The following CYP19A1 variants were observed in gnomAD, a reference collection of about 807,000 sequenced individuals.
The protein encoded by CYP19A1 is cytochrome P450 family 19 subfamily A member 1.
Under a neutral mutation model 44.4 loss-of-function variants are expected in CYP19A1, and 32 were observed. The ratio of observed to expected loss-of-function variants is 0.72; its 90% CI spans 0.54 to 0.97. The LOEUF is 0.97. CYP19A1 is among the 50% of genes least tolerant of loss of function. The pLI, the probability that CYP19A1 is intolerant of heterozygous loss-of-function variation, is 0.00. For synonymous variants in CYP19A1, 212 were observed against 215.6 expected (o/e 0.98, Z 0.14); for missense variants, 598 against 637.8 (o/e 0.94, Z 0.67).
intron 1 of CYP19A1, among the ~76,000 whole-genome samples, chr15:51,287,081 T>C (rs2140982362): frequency 6.6e-6 from 1 of 152,272 alleles, no homozygotes; most frequent in East Asian, 1.9e-4. Flanking sequence ...CACCTGGACA[T>C]GACTTATCCA....
intron 1 of CYP19A1, among the ~76,000 whole-genome samples, chr15:51,294,362 G>T (rs895516031): frequency 6.7e-6 from 1 of 149,806 alleles, no homozygotes; most frequent in African/African-American, 2.5e-5. Flanking sequence ...CTGCCCGGCC[G>T]CGACCCCATC....
chr15:51,299,980 T>G (rs143189997), intron 1 of CYP19A1, among the ~76,000 whole-genome samples: 1 of 152,216 alleles, frequency 6.6e-6, no homozygotes, highest in Non-Finnish European at 1.5e-5. Context: ...CTTTCATTCA[T>G]GCAGTTACAT....
chr15:51,267,550 C>G (rs1039982728), intron 1 of CYP19A1, among the ~76,000 whole-genome samples: 1 of 152,148 alleles, frequency 6.6e-6, no homozygotes, highest in Non-Finnish European at 1.5e-5. Context: ...CGTCCGTGGC[C>G]GGCCACTGCC....
chr15:51,251,169 T>A (rs891280563), intron 1 of CYP19A1, among the ~76,000 whole-genome samples: 2 of 152,030 alleles, frequency 1.3e-5, no homozygotes, highest in South Asian at 4.2e-4. Context: ...CCAGTGGTGG[T>A]GTTTGTCGTT....
chr15:51,333,968 C>T (rs1317294994), intron 1 of CYP19A1, among the ~76,000 whole-genome samples: 1 of 152,114 alleles, frequency 6.6e-6, no homozygotes, highest in African/African-American at 2.4e-5. Flanking sequence ...ATGACAGTTC[C>T]CCTACATGGT....
At chr15:51,240,075 C>T (rs1201383696) in intron 2 of CYP19A1, among the ~76,000 whole-genome samples, 1 of 512 alleles carries the variant, frequency 2.0e-3, no homozygotes, top group Non-Finnish European at 5.2e-3. Flanking sequence ...CGGCCACTCC[C>T]CCTTCTCCGC....
chr15:51,298,849 T>C (rs946657593), intron 1 of CYP19A1, among the ~76,000 whole-genome samples: 5 of 152,244 alleles, frequency 3.3e-5, no homozygotes, highest in African/African-American at 1.2e-4. Context: ...AGGAGCTGCG[T>C]CTGGGGCAAA....
intron 3 of CYP19A1, 81 bp downstream of exon 3, chr15:51,236,778 G>T: frequency 6.6e-7 from 1 of 1,520,676 alleles, no homozygotes; most frequent in Non-Finnish European, 9.1e-7. Flanking sequence ...AAGACATCAA[G>T]ATTCAAAATA....
In CYP19A1 at chr15:51,338,577, G is replaced by A. The variant is rs987279259; in HGVS notation, c.-121C>T. On this transcript the variant is annotated 5_prime_UTR_variant, in exon 1 of 10. Coordinates refer to ENST00000396402, the MANE Select transcript of CYP19A1 (RefSeq NM_000103.4). ...TTCACCTTCCTGTTTGCCTCCACGT[G>A]TTCAGCCCTCCAGAAACTCCCTGAA... is the stretch of plus-strand genomic sequence containing the variant. 5 of 152,276 alleles carry A rather than the reference G, an allele frequency of 3.3e-5. No individual in the cohort carries two copies. The highest frequency in any genetic ancestry group is 2.0e-4 in the Admixed American group (3 of 15,282). The allele number at this position is 152,276 out of a possible 1,614,324, so 9.4% of individuals were successfully genotyped here.
At chr15:51,306,210 C>A (rs1450626407) in intron 1 of CYP19A1, among the ~76,000 whole-genome samples, 1 of 152,124 alleles carries the variant, frequency 6.6e-6, no homozygotes, top group African/African-American at 2.4e-5. Flanking sequence ...AGAGTGGACT[C>A]AAGACAGAGG....
intron 1 of CYP19A1, among the ~76,000 whole-genome samples, chr15:51,322,887 A>G (rs1314510498): frequency 6.6e-6 from 1 of 152,258 alleles, no homozygotes; most frequent in Non-Finnish European, 1.5e-5. Flanking sequence ...TGCAGTTGCT[A>G]GAATTTCATG....
chr15:51,236,894 G>A lies in CYP19A1; in HGVS notation c.261C>T (p.Val87=), dbSNP rs1003379171. Residue 87 remains valine (V), a synonymous_variant, in exon 3 of 10, where the codon GTC becomes GTT. Coordinates refer to ENST00000396402, the MANE Select transcript of CYP19A1 (RefSeq NM_000103.4). ...TGAGTGTTTCCTCTCCAGAGATCCA[G>A]ACTCGCATGAATTCTCCATATACCC... ...YNRVYGEFMR[V]WISGEETLII... The A allele has an allele frequency of 4.3e-6, 7 of 1,614,172 alleles. No individual in the cohort carries two copies. The highest frequency in any genetic ancestry group is 5.9e-6 in the Non-Finnish European group (7 of 1,180,020).
intron 3 of CYP19A1, among the ~76,000 whole-genome samples, chr15:51,233,319 C>G (rs1444379695): frequency 1.3e-5 from 2 of 152,180 alleles, no homozygotes; most frequent in African/African-American, 4.8e-5. Flanking sequence ...GCCCTGGTCC[C>G]AGGCAAACTG....
chr15:51,325,855 A>G (rs893362791), intron 1 of CYP19A1, among the ~76,000 whole-genome samples: 2 of 150,578 alleles, frequency 1.3e-5, no homozygotes, highest in African/African-American at 4.9e-5. Context: ...AAAAAAAAAA[A>G]AAAAAAAAAG....
At chr15:51,246,078 G>A (rs1334039273) in intron 1 of CYP19A1, among the ~76,000 whole-genome samples, 1 of 152,198 alleles carries the variant, frequency 6.6e-6, no homozygotes, top group Non-Finnish European at 1.5e-5. Context: ...GCCACAGCTG[G>A]AAAGGTCCTT....
chr15:51,295,962 C>G (rs1473473488), intron 1 of CYP19A1, among the ~76,000 whole-genome samples: 2 of 152,166 alleles, frequency 1.3e-5, no homozygotes, highest in East Asian at 3.9e-4. Context: ...AGAACACAGA[C>G]AGGTTGAAGA....
At chr15:51,238,836 A>G (rs539506114) in intron 2 of CYP19A1, among the ~76,000 whole-genome samples, 1 of 152,342 alleles carries the variant, frequency 6.6e-6, no homozygotes, top group East Asian at 1.9e-4. Context: ...AGCTTAATTC[A>G]TCCAACAAAC....
intron 3 of CYP19A1, among the ~76,000 whole-genome samples, chr15:51,235,566 A>T (rs1164258181): frequency 6.6e-6 from 1 of 152,232 alleles, no homozygotes; most frequent in Non-Finnish European, 1.5e-5. Flanking sequence ...TGAATGAAAC[A>T]AACAAACAAA....
At chr15:51,234,829 G>A (rs2033281950) in intron 3 of CYP19A1, among the ~76,000 whole-genome samples, 2 of 152,162 alleles carry the variant, frequency 1.3e-5, no homozygotes, top group South Asian at 4.1e-4. Flanking sequence ...GGTGTGGCCT[G>A]GGCAGTGGGG....
Sources: gnomAD v4.1 joint callset for allele counts (sites outside exome capture counted in the v4.1 genomes callset) on GRCh38, gnomAD v4.1.1 for gene constraint, MANE v1.5 for transcripts, NCBI Gene and HGNC (gene_info 2026-07-23, HGNC 2026-07-21) for gene names.